STYX: variants seen among roughly 807,000 people sequenced by gnomAD.
The protein encoded by STYX is serine/threonine/tyrosine interacting protein.
STYX carries 20 observed loss-of-function variants against 42.7 expected under a neutral mutation model. The ratio of observed to expected loss-of-function variants is 0.47; its 90% CI spans 0.33 to 0.68. STYX has a LOEUF of 0.68. STYX is among the 30% of genes least tolerant of loss of function. The probability of loss-of-function intolerance (pLI) is 0.02; values close to 1 mark genes in which losing one functional copy is unlikely to be tolerated. For missense variants in STYX, 226 were observed against 268.5 expected (o/e 0.84, Z 1.11); for synonymous variants, 78 against 81.9 (o/e 0.95, Z 0.26).
intron 8 of STYX, 64 bp from the exon 9 acceptor site, chr14:52,759,618 T>G: frequency 5.3e-6 from 6 of 1,129,112 alleles, no homozygotes; most frequent in Non-Finnish European, 7.9e-6. Context: ...TATTGCTAAG[T>G]TGTATGATTA....
At chr14:52,751,176 A>G (rs1881594966) in intron 4 of STYX, among the ~76,000 whole-genome samples, 1 of 152,104 alleles carries the variant, frequency 6.6e-6, no homozygotes, top group Non-Finnish European at 1.5e-5. Flanking sequence ...ATTTATGAGC[A>G]TAGTCTTATA....
chr14:52,749,261 C>T (rs937955307), intron 3 of STYX, among the ~76,000 whole-genome samples: 24 of 152,168 alleles, frequency 1.6e-4, no homozygotes, highest in African/African-American at 5.8e-4. Flanking sequence ...CAATCTAAAA[C>T]TGATTATCTT....
At chr14:52,730,765 C>T (rs1015413158) in intron 1 of STYX, among the ~76,000 whole-genome samples, 5 of 152,230 alleles carry the variant, frequency 3.3e-5, no homozygotes, top group African/African-American at 1.2e-4. Flanking sequence ...AGAGGAAAAG[C>T]AATCCCTTAG....
At chr14:52,757,112 T>C (rs987639262) in intron 5 of STYX, among the ~76,000 whole-genome samples, 8 of 152,236 alleles carry the variant, frequency 5.3e-5, no homozygotes, top group African/African-American at 1.4e-4. Flanking sequence ...AGGAATCATA[T>C]TGTGAATGTA....
chr14:52,765,496 T>C (rs61537671), intron 9 of STYX, among the ~76,000 whole-genome samples: 77,964 of 152,046 alleles, frequency 0.51, 20,105 homozygotes, highest in South Asian at 0.57. Context: ...GGATTACAGG[T>C]GTGAGCCACC....
intron 3 of STYX, among the ~76,000 whole-genome samples, chr14:52,748,877 A>C (rs1192038806): frequency 6.6e-6 from 1 of 152,240 alleles, no homozygotes; most frequent in East Asian, 1.9e-4. Flanking sequence ...TTGGTTAATT[A>C]TTAATCTTAC....
rs76609749 is a variant in STYX at position 52,733,635 on chromosome 14, G to A, written c.57+3104G>A. Among the ~76,000 whole-genome samples the A allele has an allele frequency of 2.5e-3, 385 of 152,190 alleles. 3 individuals are homozygous for A. The highest frequency in any genetic ancestry group is 7.6e-3 in the African/African-American group (316 of 41,518). On this transcript the variant is annotated intron_variant, in intron 1 of 10. Coordinates refer to ENST00000354586, the MANE Select transcript of STYX (RefSeq NM_145251.4). ...ACAGGACTCAGGGAAGTACATTTAC[G>A]GGTTTATTATAAAGGATACTACAAA... is the stretch of plus-strand genomic sequence containing the variant.
intron 9 of STYX, among the ~76,000 whole-genome samples, chr14:52,767,328 C>T (rs1210558277): frequency 6.6e-6 from 1 of 152,136 alleles, no homozygotes. Flanking sequence ...GTTTGGACTT[C>T]AACATATGAA....
At position 52,730,224 on chromosome 14, in the gene STYX, G is replaced by T. The variant is rs533349390; in HGVS notation, c.-251G>T. 1.2e-5 allele frequency: 7 copies of T among 567,128 alleles called. No homozygotes were observed. The highest frequency in any genetic ancestry group is 3.0e-5 in the East Asian group (1 of 33,018). 35.1% of individuals were successfully genotyped at this position (567,128 alleles called of 1,614,324 possible). ...GCGGCCTGAGGGGTACGGAGACTCT[G>T]GGGGAGGGAGACGGCAGCGGCATGG... On this transcript the variant is annotated 5_prime_UTR_variant, in exon 1 of 11. Transcript: ENST00000354586.
chr14:52,758,781 G>A (rs1881974462), intron 8 of STYX, among the ~76,000 whole-genome samples: 1 of 151,998 alleles, frequency 6.6e-6, no homozygotes, highest in African/African-American at 2.4e-5. Flanking sequence ...TCACCATGTT[G>A]GCCAGGATGG....
intron 9 of STYX, among the ~76,000 whole-genome samples, chr14:52,767,913 C>A (rs1882371696): frequency 1.3e-5 from 2 of 152,164 alleles, no homozygotes; most frequent in Admixed American, 1.3e-4. Flanking sequence ...CCAAGATCAA[C>A]TGATGCTTGG....
At chr14:52,731,542 A>G (rs1871030595) in intron 1 of STYX, 1 of 147,204 alleles carries the variant, frequency 6.8e-6, no homozygotes, top group Non-Finnish European at 1.5e-5. Flanking sequence ...GGTTCAAGCG[A>G]TTCTCCTGCC....
At chr14:52,752,544 A>G (rs1361975626) in intron 4 of STYX, among the ~76,000 whole-genome samples, 1 of 152,214 alleles carries the variant, frequency 6.6e-6, no homozygotes, top group Non-Finnish European at 1.5e-5. Context: ...TACAAGATAC[A>G]TACTCTAAAA....
chr14:52,738,355 A>G (rs1881045517), intron 1 of STYX, among the ~76,000 whole-genome samples: 1 of 152,166 alleles, frequency 6.6e-6, no homozygotes, highest in Non-Finnish European at 1.5e-5. Flanking sequence ...TTCCATATAT[A>G]TATATATCTC....
At chr14:52,735,586 C>T (rs1039178980) in intron 1 of STYX, among the ~76,000 whole-genome samples, 8 of 152,162 alleles carry the variant, frequency 5.3e-5, no homozygotes, top group Non-Finnish European at 7.4e-5. Context: ...GACTAATAAG[C>T]ACTGTTAATT....
chr14:52,754,377 AT>A lies in STYX; in HGVS notation c.243-2158del, dbSNP rs571855962. On this transcript the variant is annotated intron_variant, in intron 4 of 10. Coordinates refer to ENST00000354586, the MANE Select transcript of STYX (RefSeq NM_145251.4). ...ACAGGTGCACCACCGGATCGGGCTA[AT>A]TTTTTTTTTTTTTTTCTAGAGATGG... Among the ~76,000 whole-genome samples, 672 of 137,942 alleles carry A rather than the reference AT, an allele frequency of 4.9e-3. 2 individuals are homozygous for A. Among genetic ancestry groups the A allele is most frequent in the African/African-American group, 0.013 (485 of 37,268 alleles). 90.5% of individuals were successfully genotyped at this position (137,942 alleles called of 152,430 possible).
At chr14:52,770,567 A>C (rs1373430693) in intron 10 of STYX, among the ~76,000 whole-genome samples, 1 of 152,074 alleles carries the variant, frequency 6.6e-6, no homozygotes, top group Non-Finnish European at 1.5e-5. Context: ...CCCAACCTAG[A>C]CTTCGATAGC....
At position 52,739,327 on chromosome 14, in the gene STYX, T is replaced by C. The variant is rs143851259; in HGVS notation, c.58-5525T>C. On this transcript the variant is annotated intron_variant, in intron 1 of 10. Transcript: ENST00000354586. ...TGATATGTGTTGCCCTGTTTTTTTTTCTTTAATTACACAAAATTTAGTGAT... is the reference window on the plus strand; with the variant it reads ...TGATATGTGTTGCCCTGTTTTTTTTCCTTTAATTACACAAAATTTAGTGAT... Among the ~76,000 whole-genome samples the C allele has an allele frequency of 6.8e-3, 1,033 of 152,288 alleles. 18 individuals carry two copies. Among genetic ancestry groups the C allele is most frequent in the African/African-American group, 0.023 (959 of 41,560 alleles).
At chr14:52,751,932 G>A (rs914605130) in intron 4 of STYX, among the ~76,000 whole-genome samples, 2 of 152,180 alleles carry the variant, frequency 1.3e-5, no homozygotes, top group African/African-American at 2.4e-5. Flanking sequence ...GGAGGCCGAG[G>A]TGGGCAGATC....
Sources: gnomAD v4.1 joint callset for allele counts (sites outside exome capture counted in the v4.1 genomes callset) on GRCh38, gnomAD v4.1.1 for gene constraint, MANE v1.5 for transcripts, NCBI Gene and HGNC (gene_info 2026-07-23, HGNC 2026-07-21) for gene names.